The following STAT4 variants were observed in gnomAD, a reference collection of about 807,000 sequenced individuals.
STAT4 encodes the protein signal transducer and activator of transcription 4.
In STAT4, 42 loss-of-function variants were observed where a neutral mutation model predicts 110.5. That is an observed-to-expected ratio of 0.38 (90% CI 0.30 to 0.49). The LOEUF is 0.49. STAT4 is among the 20% of genes least tolerant of loss of function. The pLI, the probability that STAT4 is intolerant of heterozygous loss-of-function variation, is 0.95. For missense variants in STAT4, 632 were observed against 887.9 expected (o/e 0.71, Z 3.66); for synonymous variants, 284 against 302.2 (o/e 0.94, Z 0.63).
chr2:191,069,444 T>G lies in STAT4; in HGVS notation c.544+249A>C, dbSNP rs554125208. Among the ~76,000 whole-genome samples, 10 of 152,234 alleles carry G rather than the reference T, an allele frequency of 6.6e-5. No individual in the cohort carries two copies. The East Asian group carries it at 1.9e-3, about 29-fold the overall frequency. ...GTAATTCCTCATGCAGTTTGAAATT[T>G]ATGTTGAATTTGTTGGTAATTTACT... On this transcript the variant is annotated intron_variant, in intron 6 of 23. Coordinates refer to ENST00000392320, the MANE Select transcript of STAT4 (RefSeq NM_003151.4).
chr2:191,119,719 G>C (rs1698667886), intron 3 of STAT4, among the ~76,000 whole-genome samples: 1 of 152,058 alleles, frequency 6.6e-6, no homozygotes, highest in African/African-American at 2.4e-5. Context: ...GAAAAATCGA[G>C]GCAATTTTGA....
At chr2:191,087,921 C>A (rs1697679610) in intron 3 of STAT4, among the ~76,000 whole-genome samples, 1 of 152,022 alleles carries the variant, frequency 6.6e-6, no homozygotes, top group South Asian at 2.1e-4. Context: ...ACCAAAAAAT[C>A]TACAGGTAAT....
intron 1 of STAT4, among the ~76,000 whole-genome samples, chr2:191,149,616 A>G (rs1477074240): frequency 1.3e-5 from 2 of 152,154 alleles, no homozygotes; most frequent in Non-Finnish European, 1.5e-5. Context: ...ACGCCTGCCT[A>G]ATGTGTGAGG....
chr2:191,085,807 T>C (rs1049591695), intron 3 of STAT4, among the ~76,000 whole-genome samples: 1 of 152,218 alleles, frequency 6.6e-6, no homozygotes, highest in Non-Finnish European at 1.5e-5. Flanking sequence ...CAATATCAAG[T>C]AGAACAGAAG....
At chr2:191,106,041 T>C (rs1255205413) in intron 3 of STAT4, among the ~76,000 whole-genome samples, 1 of 152,122 alleles carries the variant, frequency 6.6e-6, no homozygotes, top group Non-Finnish European at 1.5e-5. Flanking sequence ...GGCTTTTCTG[T>C]TACTAAGGAA....
chr2:191,119,522 T>C (rs568722993), intron 3 of STAT4, among the ~76,000 whole-genome samples: 51 of 152,264 alleles, frequency 3.3e-4, no homozygotes, highest in African/African-American at 1.2e-3. Flanking sequence ...CTAAGAGAAA[T>C]TGAAGACCTG....
intron 17 of STAT4, 23 bp downstream of exon 17, chr2:191,036,141 C>A: frequency 6.2e-7 from 1 of 1,608,556 alleles, no homozygotes; most frequent in Non-Finnish European, 8.5e-7. Context: ...AGAGGCAAAT[C>A]CTCTCTATCT....
chr2:191,058,787 T>TAA lies in STAT4; in HGVS notation c.1035-20_1035-19dup. The stretch of plus-strand genomic sequence containing the variant: ...TTAGTAGCCTGGAAAGAGATATCAA[T>TAA]AAAAAAAATCAAAGATAAAAATTAA... On this transcript the variant is annotated intron_variant, in intron 10 of 23. Coordinates refer to ENST00000392320, the MANE Select transcript of STAT4 (RefSeq NM_003151.4). The surrounding 1 kb of genome is among the most constrained non-coding windows in gnomAD (Gnocchi z 4.3). 6.7e-7 allele frequency: 1 copy of TAA among 1,490,664 alleles called. No homozygotes were observed. Among genetic ancestry groups the TAA allele is most frequent in the Non-Finnish European group, 9.2e-7 (1 of 1,084,198 alleles). 92.3% of individuals were successfully genotyped at this position (1,490,664 alleles called of 1,614,324 possible). A position where few individuals can be genotyped will look rare whatever the true frequency, so the allele number is the denominator to read the frequency against.
intron 3 of STAT4, among the ~76,000 whole-genome samples, chr2:191,109,519 G>A (rs764209874): frequency 6.6e-6 from 1 of 152,108 alleles, no homozygotes; most frequent in Non-Finnish European, 1.5e-5. Context: ...GAATTCACCA[G>A]TTCACACACG....
chr2:191,082,281 T>C lies in STAT4; in HGVS notation c.274-5956A>G, dbSNP rs2125286269. Among the ~76,000 whole-genome samples, 1 of 152,330 alleles carries C rather than the reference T, an allele frequency of 6.6e-6. No individual in the cohort carries two copies. Among genetic ancestry groups the C allele is most frequent in the South Asian group, 2.1e-4 (1 of 4,824 alleles). On this transcript the variant is annotated intron_variant, in intron 3 of 23. Transcript: ENST00000392320. The surrounding 1 kb of genome is among the most constrained non-coding windows in gnomAD (Gnocchi z 4.7). ...GTGACAAATGGTTGCTTCACAAATA[T>C]CAAATTTGTACCCTGCTGATTTGTT...
intron 1 of STAT4, 65 bp from the exon 2 acceptor site, chr2:191,148,269 TCTTTC>T (rs1699506554): frequency 1.3e-6 from 2 of 1,549,538 alleles, no homozygotes; most frequent in Non-Finnish European, 1.7e-6. Flanking sequence ...CATATTTTCT[TCTTTC>T]CTTAGAATTA....
intron 14 of STAT4, among the ~76,000 whole-genome samples, chr2:191,048,655 G>A (rs917854804): frequency 6.6e-6 from 1 of 151,350 alleles, no homozygotes; most frequent in Non-Finnish European, 1.5e-5. Flanking sequence ...GCATGGTGGC[G>A]GGCGCTTGTA....
intron 5 of STAT4, among the ~76,000 whole-genome samples, chr2:191,070,245 C>G (rs756269660): frequency 8.5e-5 from 13 of 152,224 alleles, no homozygotes; most frequent in Non-Finnish European, 1.5e-4. Flanking sequence ...GCCTATGCTT[C>G]TTCTGTGTCT....
In STAT4 at chr2:191,033,433, CA is replaced by C; in HGVS notation, c.1852+56del. 3 of 1,556,072 alleles carry C rather than the reference CA, an allele frequency of 1.9e-6. No individual in the cohort carries two copies. The highest frequency in any genetic ancestry group is 2.4e-5 in the South Asian group (2 of 81,738). ...CATACACTTCCAAAAACTGAAATCCCAGTAACCAAATTTAAGAAAACTAATT... is the reference window on the plus strand; with the variant it reads ...CATACACTTCCAAAAACTGAAATCCCGTAACCAAATTTAAGAAAACTAATT... On this transcript the variant is annotated intron_variant, in intron 20 of 23. Coordinates refer to ENST00000392320, the MANE Select transcript of STAT4 (RefSeq NM_003151.4). The surrounding 1 kb of genome is among the most constrained non-coding windows in gnomAD (Gnocchi z 6.9).
intron 3 of STAT4, among the ~76,000 whole-genome samples, chr2:191,108,928 T>C (rs143584260): frequency 6.6e-6 from 1 of 152,358 alleles, no homozygotes; most frequent in Non-Finnish European, 1.5e-5. Context: ...AAAATAAAAC[T>C]GTTTGTGTGA....
rs975878929 is a variant in STAT4, at chr2:191,104,679, A to G, written c.274-28354T>C. ...TAAAACATAAAACACTCCTCCCCAT[A>G]TGATTTGAAAGGATATATATTGTCA... On this transcript the variant is annotated intron_variant, in intron 3 of 23. Coordinates refer to ENST00000392320, the MANE Select transcript of STAT4 (RefSeq NM_003151.4). The surrounding 1 kb of genome is among the most constrained non-coding windows in gnomAD (Gnocchi z 4.3). Among the ~76,000 whole-genome samples, 1 of 152,212 alleles carries G rather than the reference A, an allele frequency of 6.6e-6. No homozygotes were observed. The highest frequency in any genetic ancestry group is 2.4e-5 in the African/African-American group (1 of 41,456).
intron 3 of STAT4, among the ~76,000 whole-genome samples, chr2:191,129,930 A>G (rs1444931365): frequency 3.3e-5 from 5 of 152,124 alleles, no homozygotes; most frequent in Non-Finnish European, 5.9e-5. Context: ...GGATTTTTTG[A>G]CATTTTCGTG....
intron 3 of STAT4, among the ~76,000 whole-genome samples, chr2:191,095,424 CAGCGCAATCAAATT>C (rs1697942281): frequency 6.6e-6 from 1 of 152,196 alleles, no homozygotes; most frequent in Non-Finnish European, 1.5e-5. Flanking sequence ...TCTCAGACCA[CAGCGCAATCAAATT>C]AGAACTCAGG....
In STAT4 at chr2:191,150,071, G is replaced by C. The variant is rs565463222; in HGVS notation, c.-2+876C>G. ...GAATATCCTTTGATCATAACACATT[G>C]TTCATATTTATTGAAATATCACTGT... On this transcript the variant is annotated intron_variant, in intron 1 of 23. Transcript: ENST00000392320. The surrounding 1 kb of genome is among the most constrained non-coding windows in gnomAD (Gnocchi z 6.4). Among the ~76,000 whole-genome samples, 76 of 152,026 alleles carry C rather than the reference G, an allele frequency of 5.0e-4. No homozygotes were observed. Among genetic ancestry groups the C allele is most frequent in the African/African-American group, 1.8e-3 (74 of 41,434 alleles).
Sources: allele counts gnomAD v4.1 joint callset (sites outside exome capture counted in the v4.1 genomes callset), GRCh38; gene constraint gnomAD v4.1.1; non-coding constraint Gnocchi (gnomAD v3.1); transcripts MANE v1.5; gene names NCBI Gene and HGNC (gene_info 2026-07-23, HGNC 2026-07-21).